The following SAMD3 variants were observed in gnomAD, a reference collection of about 807,000 sequenced individuals.
The protein encoded by SAMD3 is sterile alpha motif domain-containing protein 3.
A neutral mutation model predicts 58.5 loss-of-function variants in SAMD3; 63 were observed. That is an observed-to-expected ratio of 1.08 (90% CI 0.88 to 1.33). The LOEUF is 1.33. SAMD3 is among the 40% of genes most tolerant of loss of function. SAMD3 has a pLI of 0.00. For synonymous variants in SAMD3, 220 were observed against 210.3 expected (o/e 1.05, Z -0.40); for missense variants, 604 against 608.4 (o/e 0.99, Z 0.08).
chr6:130,344,772 A>G (rs1013307135), intron 1 of SAMD3, among the ~76,000 whole-genome samples: 2 of 145,724 alleles, frequency 1.4e-5, no homozygotes, highest in Admixed American at 1.4e-4. Flanking sequence ...GAAAGAAAGA[A>G]GGAGGAGAGG....
intron 2 of SAMD3, among the ~76,000 whole-genome samples, chr6:130,277,540 G>A (rs1385679414): frequency 6.6e-6 from 1 of 152,188 alleles, no homozygotes; most frequent in African/African-American, 2.4e-5. Context: ...ATGGTGTACA[G>A]TCTACTGGTT....
intron 5 of SAMD3, among the ~76,000 whole-genome samples, chr6:130,204,742 C>T (rs1794935178): frequency 6.7e-6 from 1 of 150,166 alleles, no homozygotes; most frequent in South Asian, 2.1e-4. Flanking sequence ...TTCTAAGAGC[C>T]AGAGTCAGGT....
At chr6:130,354,646 C>T (rs1562538074) in intron 1 of SAMD3, among the ~76,000 whole-genome samples, 2 of 151,718 alleles carry the variant, frequency 1.3e-5, no homozygotes, top group South Asian at 2.1e-4. Context: ...ACACTGGGGC[C>T]TATGTGAGGG....
intron 5 of SAMD3, among the ~76,000 whole-genome samples, chr6:130,198,822 T>A (rs116936342): frequency 0.025 from 3,792 of 152,278 alleles, 69 homozygotes; most frequent in Middle Eastern, 0.041. Flanking sequence ...AAAGCTGTTT[T>A]CTAAGCATCT....
intron 1 of SAMD3, among the ~76,000 whole-genome samples, chr6:130,341,758 C>A (rs539539714): frequency 6.6e-6 from 1 of 152,226 alleles, no homozygotes; most frequent in East Asian, 1.9e-4. Context: ...CACATGGAAA[C>A]ATGATCTTTT....
intron 1 of SAMD3, among the ~76,000 whole-genome samples, chr6:130,326,224 T>C (rs1359833610): frequency 6.6e-6 from 1 of 152,174 alleles, no homozygotes; most frequent in Non-Finnish European, 1.5e-5. Flanking sequence ...CCTGCCTTAA[T>C]TCTAGCCTCA....
intron 1 of SAMD3, among the ~76,000 whole-genome samples, chr6:130,340,202 T>C: frequency 6.6e-6 from 1 of 152,232 alleles, no homozygotes; most frequent in East Asian, 1.9e-4. Context: ...GTTTCATAAT[T>C]CTGGAACCAA....
chr6:130,165,147 T>C (rs1790614378), intron 8 of SAMD3, among the ~76,000 whole-genome samples: 1 of 152,166 alleles, frequency 6.6e-6, no homozygotes, highest in African/African-American at 2.4e-5. Context: ...ACAACATACA[T>C]TGTAAGAACT....
At chr6:130,361,663 A>G (rs1228411134) in intron 1 of SAMD3, among the ~76,000 whole-genome samples, 1 of 152,252 alleles carries the variant, frequency 6.6e-6, no homozygotes, top group Non-Finnish European at 1.5e-5. Context: ...TCCCAAACAG[A>G]AAGATGATGT....
At chr6:130,217,618 G>A (rs994656894) in intron 1 of SAMD3, among the ~76,000 whole-genome samples, 1 of 152,182 alleles carries the variant, frequency 6.6e-6, no homozygotes, top group African/African-American at 2.4e-5. Flanking sequence ...AACTACAAAG[G>A]AAGATAATAG....
intron 2 of SAMD3, among the ~76,000 whole-genome samples, chr6:130,245,929 G>C (rs1207371826): frequency 6.6e-6 from 1 of 152,212 alleles, no homozygotes; most frequent in East Asian, 1.9e-4. Flanking sequence ...GATGGGAAAG[G>C]TGCAATAGAA....
intron 2 of SAMD3, among the ~76,000 whole-genome samples, chr6:130,275,328 T>C (rs745734422): frequency 3.3e-5 from 5 of 152,198 alleles, no homozygotes; most frequent in Non-Finnish European, 4.4e-5. Context: ...ATTGACATAA[T>C]GATAAGCCAT....
At chr6:130,264,068 C>G (rs2114926683) in intron 2 of SAMD3, among the ~76,000 whole-genome samples, 1 of 152,350 alleles carries the variant, frequency 6.6e-6, no homozygotes, top group East Asian at 1.9e-4. Context: ...ATCAAATATT[C>G]CATCTGCATG....
chr6:130,254,649 A>G (rs1327160130), intron 2 of SAMD3, among the ~76,000 whole-genome samples: 1 of 123,630 alleles, frequency 8.1e-6, no homozygotes, highest in African/African-American at 3.7e-5. Context: ...GTTTGAAGCC[A>G]GCCTGATTTT....
At chr6:130,329,774 C>T (rs1423053072) in intron 1 of SAMD3, among the ~76,000 whole-genome samples, 1 of 151,994 alleles carries the variant, frequency 6.6e-6, no homozygotes, top group Non-Finnish European at 1.5e-5. Flanking sequence ...AGGGACATGG[C>T]TAAAGCTGGA....
chr6:130,333,086 T>C (rs1776990797), intron 1 of SAMD3, among the ~76,000 whole-genome samples: 1 of 142,756 alleles, frequency 7.0e-6, no homozygotes, highest in Non-Finnish European at 1.5e-5. Flanking sequence ...TGTGTGTGTG[T>C]TAAGGGGGTG....
intron 2 of SAMD3, among the ~76,000 whole-genome samples, chr6:130,299,482 G>GT (rs1315212061): frequency 2.0e-5 from 3 of 152,036 alleles, no homozygotes; most frequent in Admixed American, 2.0e-4. Context: ...TAAGAGAAAA[G>GT]TTTATAGCAC....
At chr6:130,200,220 A>G (rs927408445) in intron 5 of SAMD3, among the ~76,000 whole-genome samples, 2 of 152,006 alleles carry the variant, frequency 1.3e-5, no homozygotes, top group Admixed American at 6.6e-5. Context: ...GCACGTCAAC[A>G]AGTCTCACAG....
chr6:130,195,034 C>T (rs1262248250), intron 5 of SAMD3, among the ~76,000 whole-genome samples: 2 of 152,184 alleles, frequency 1.3e-5, no homozygotes, highest in South Asian at 2.1e-4. Flanking sequence ...ACTCTGGTGC[C>T]AACTTAGACA....
Sources: allele counts gnomAD v4.1 joint callset (sites outside exome capture counted in the v4.1 genomes callset), GRCh38; gene constraint gnomAD v4.1.1; transcripts MANE v1.5; gene names NCBI Gene and HGNC (gene_info 2026-07-23, HGNC 2026-07-21).